The following RBFOX1 variants were observed in gnomAD, a reference collection of about 807,000 sequenced individuals.
RBFOX1 encodes the protein RNA binding fox-1 homolog 1.
A neutral mutation model predicts 57.7 loss-of-function variants in RBFOX1; 8 were observed. That is an observed-to-expected ratio of 0.14 (90% CI 0.08 to 0.25). The LOEUF (loss-of-function observed/expected upper bound fraction) is 0.25, where lower values mean the gene tolerates loss of function less well. Ranked by LOEUF, RBFOX1 falls within the 10% of genes least tolerant of loss-of-function variation. The pLI, the probability that RBFOX1 is intolerant of heterozygous loss-of-function variation, is 1.00. For synonymous variants in RBFOX1, 326 were observed against 222.4 expected (o/e 1.47, Z -4.15); for missense variants, 611 against 548.5 (o/e 1.11, Z -1.14).
chr16:7,527,742 A>G (rs2152332207), intron 5 of RBFOX1, among the ~76,000 whole-genome samples: 1 of 152,282 alleles, frequency 6.6e-6, no homozygotes, highest in South Asian at 2.1e-4. Flanking sequence ...TCTTAGCACA[A>G]TGACAAACAC....
intron 8 of RBFOX1, 55 bp downstream of exon 8, chr16:7,595,696 C>A (rs2094647938): frequency 6.9e-7 from 1 of 1,444,772 alleles, no homozygotes; most frequent in South Asian, 1.4e-5. Flanking sequence ...CTGCTTCACG[C>A]TCATTCGTTG....
At chr16:6,850,268 G>A (rs1277738011) in intron 3 of RBFOX1, among the ~76,000 whole-genome samples, 1 of 152,082 alleles carries the variant, frequency 6.6e-6, no homozygotes, top group African/African-American at 2.4e-5. Flanking sequence ...AAAAATAAAA[G>A]TAAATAAATA....
chr16:6,927,586 G>T (rs965887783), intron 3 of RBFOX1, among the ~76,000 whole-genome samples: 1 of 151,866 alleles, frequency 6.6e-6, no homozygotes, highest in Admixed American at 6.6e-5. Context: ...GCTGTGTCCT[G>T]TGTGCCTGGA....
intron 4 of RBFOX1, among the ~76,000 whole-genome samples, chr16:7,179,062 A>T (rs2082196125): frequency 2.0e-5 from 3 of 152,090 alleles, no homozygotes; most frequent in South Asian, 2.1e-4. Context: ...CTATTTCTTT[A>T]ATCTGATGCA....
intron 1 of RBFOX1, among the ~76,000 whole-genome samples, chr16:6,058,875 TCCA>T (rs751540870): frequency 7.4e-5 from 11 of 148,864 alleles, no homozygotes; most frequent in Non-Finnish European, 3.0e-5. Context: ...CATCCATCCA[TCCA>T]TCCAGCTATC....
chr16:5,667,323 T>G (rs4786746), intron 3 of RBFOX1, among the ~76,000 whole-genome samples: 101,435 of 152,142 alleles, frequency 0.67, 34,257 homozygotes, highest in Non-Finnish European at 0.73. Flanking sequence ...AGGCTATACA[T>G]TTTCCCCTGA....
chr16:7,644,462 G>A (rs2063377817), intron 11 of RBFOX1, among the ~76,000 whole-genome samples: 1 of 152,122 alleles, frequency 6.6e-6, no homozygotes, highest in South Asian at 2.1e-4. Flanking sequence ...GACAAGGGAG[G>A]TCCAGGATCC....
At chr16:5,281,576 C>G (rs1243612864) in intron 1 of RBFOX1, among the ~76,000 whole-genome samples, 4 of 152,160 alleles carry the variant, frequency 2.6e-5, no homozygotes, top group Non-Finnish European at 5.9e-5. Context: ...GTCTAGATTT[C>G]ATAATATTTG....
chr16:5,690,187 T>G (rs769240504), intron 3 of RBFOX1, among the ~76,000 whole-genome samples: 1 of 152,224 alleles, frequency 6.6e-6, no homozygotes, highest in Non-Finnish European at 1.5e-5. Flanking sequence ...ATCGCATACT[T>G]ATCCAATGAA....
intron 3 of RBFOX1, among the ~76,000 whole-genome samples, chr16:6,790,239 C>T (rs1483465814): frequency 6.6e-6 from 1 of 150,900 alleles, no homozygotes; most frequent in East Asian, 2.0e-4. Context: ...GGCTGGAATG[C>T]AGTGGTACAA....
At chr16:7,238,721 G>C (rs1027036065) in intron 4 of RBFOX1, among the ~76,000 whole-genome samples, 1 of 152,106 alleles carries the variant, frequency 6.6e-6, no homozygotes, top group Non-Finnish European at 1.5e-5. Flanking sequence ...GGTTTGTTGT[G>C]CAGATTATTT....
intron 1 of RBFOX1, among the ~76,000 whole-genome samples, chr16:5,272,858 T>G (rs2063048925): frequency 6.6e-6 from 1 of 152,198 alleles, no homozygotes; most frequent in Non-Finnish European, 1.5e-5. Flanking sequence ...CCCAAAAGTA[T>G]GTAGTTGAGC....
intron 11 of RBFOX1, among the ~76,000 whole-genome samples, chr16:7,648,681 C>T (rs565485925): frequency 3.3e-5 from 5 of 152,222 alleles, no homozygotes; most frequent in African/African-American, 1.2e-4. Flanking sequence ...AGAGCATGGT[C>T]TGGGGCTATA....
At chr16:7,070,921 G>A (rs768498721) in intron 4 of RBFOX1, among the ~76,000 whole-genome samples, 1 of 152,168 alleles carries the variant, frequency 6.6e-6, no homozygotes, top group Non-Finnish European at 1.5e-5. Flanking sequence ...TCATGAGCTA[G>A]TAAGCAGGAC....
intron 2 of RBFOX1, among the ~76,000 whole-genome samples, chr16:6,446,069 A>G (rs1017639578): frequency 3.9e-5 from 6 of 152,082 alleles, no homozygotes; most frequent in African/African-American, 9.7e-5. Flanking sequence ...GGCTCAAGCA[A>G]TCCTCCCACC....
chr16:6,041,211 C>A (rs998107746), intron 1 of RBFOX1, among the ~76,000 whole-genome samples: 8 of 152,082 alleles, frequency 5.3e-5, no homozygotes, highest in Non-Finnish European at 1.2e-4. Flanking sequence ...GATATGCAGC[C>A]CCAGTAGGTT....
rs567582071 is a variant in RBFOX1 at position 6,761,591 on chromosome 16, T to C, written c.-16+106941T>C. Among the ~76,000 whole-genome samples, 14 of 138,536 alleles carry C rather than the reference T, an allele frequency of 1.0e-4. No individual in the cohort carries two copies. The South Asian group carries it at 3.6e-3, about 35-fold the overall frequency. The allele number at this position is 138,536 out of a possible 152,430, so 90.9% of individuals were successfully genotyped here. A position where few individuals can be genotyped will look rare whatever the true frequency, so the allele number is the denominator to read the frequency against. ...GGTGCGATCTCGGTTCACTGTAACC[T>C]CTGCCTCCCAGATTCAAGCAGTTCT... On this transcript the variant is annotated intron_variant, in intron 3 of 15. Coordinates refer to ENST00000550418, the MANE Select transcript of RBFOX1 (RefSeq NM_018723.4).
At chr16:5,271,582 G>C (rs1358938338) in intron 1 of RBFOX1, among the ~76,000 whole-genome samples, 5 of 152,226 alleles carry the variant, frequency 3.3e-5, no homozygotes, top group Admixed American at 2.0e-4. Flanking sequence ...TGCGCGTTAG[G>C]TATTGTGCTG....
chr16:7,582,943 C>G (rs11866295), intron 6 of RBFOX1, among the ~76,000 whole-genome samples: 2,388 of 152,250 alleles, frequency 0.016, 74 homozygotes, highest in African/African-American at 0.055. Flanking sequence ...ACGTCTGTAA[C>G]CACTAATAAT....
Sources: allele counts gnomAD v4.1 joint callset (sites outside exome capture counted in the v4.1 genomes callset), GRCh38; gene constraint gnomAD v4.1.1; transcripts MANE v1.5; gene names NCBI Gene and HGNC (gene_info 2026-07-23, HGNC 2026-07-21).